Variants in PLCH1 observed in about 807,000 individuals in gnomAD.
PLCH1 encodes 1-phosphatidylinositol 4,5-bisphosphate phosphodiesterase eta-1.
Under a neutral mutation model 126.7 loss-of-function variants are expected in PLCH1, and 60 were observed. The ratio of observed to expected loss-of-function variants is 0.47; its 90% CI spans 0.38 to 0.59. The LOEUF (loss-of-function observed/expected upper bound fraction) is 0.59, where lower values mean the gene tolerates loss of function less well. Ranked by LOEUF, PLCH1 falls within the 20% of genes least tolerant of loss-of-function variation. The pLI, the probability that PLCH1 is intolerant of heterozygous loss-of-function variation, is 0.00. For synonymous variants in PLCH1, 719 were observed against 734.9 expected, an observed-to-expected ratio of 0.98 and a Z score of 0.35; for missense variants, 1,723 against 2,040.0, an observed-to-expected ratio of 0.84 and a Z score of 2.99.
chr3:155,702,117 G>A (rs778773078), intron 2 of PLCH1, among the ~76,000 whole-genome samples: 2 of 152,080 alleles, frequency 1.3e-5, no homozygotes, highest in African/African-American at 2.4e-5. Flanking sequence ...TAGTGAAAAG[G>A]GAGCTCAGAC....
At chr3:155,684,293 AGAT>A (rs779787060) in intron 2 of PLCH1, among the ~76,000 whole-genome samples, 4 of 152,198 alleles carry the variant, frequency 2.6e-5, no homozygotes, top group Non-Finnish European at 5.9e-5. Context: ...AGAGAGGAGA[AGAT>A]GATTCTAGAT....
chr3:155,462,899 C>T (rs1024745543), intron 21 of PLCH1, among the ~76,000 whole-genome samples: 34 of 152,176 alleles, frequency 2.2e-4, no homozygotes, highest in Admixed American at 2.2e-3. Flanking sequence ...TGTAACACAA[C>T]CTGGAAATAC....
At chr3:155,667,962 G>A (rs1742955858) in intron 2 of PLCH1, among the ~76,000 whole-genome samples, 1 of 148,330 alleles carries the variant, frequency 6.7e-6, no homozygotes, top group East Asian at 2.0e-4. Flanking sequence ...GCGTGTGCCT[G>A]TAATCCCAGC....
At chr3:155,539,696 A>G (rs1723951038) in intron 10 of PLCH1, among the ~76,000 whole-genome samples, 1 of 152,170 alleles carries the variant, frequency 6.6e-6, no homozygotes, top group Non-Finnish European at 1.5e-5. Flanking sequence ...GGTGAAAGAT[A>G]TCTACAAGGA....
intron 2 of PLCH1, among the ~76,000 whole-genome samples, chr3:155,609,125 A>C (rs1193779195): frequency 6.6e-6 from 1 of 152,214 alleles, no homozygotes; most frequent in African/African-American, 2.4e-5. Flanking sequence ...ACAAGCAACA[A>C]ATCTCACAGA....
At chr3:155,469,625 G>A (rs1713090656) in intron 21 of PLCH1, among the ~76,000 whole-genome samples, 2 of 152,188 alleles carry the variant, frequency 1.3e-5, no homozygotes, top group Non-Finnish European at 2.9e-5. Context: ...TGGGGGCAGG[G>A]CACAGACAAA....
chr3:155,462,684 C>T (rs1712773653), intron 21 of PLCH1, among the ~76,000 whole-genome samples: 1 of 152,178 alleles, frequency 6.6e-6, no homozygotes, highest in African/African-American at 2.4e-5. Flanking sequence ...TCCCTACCCA[C>T]CCCATCCCAC....
At position 155,592,775 on chromosome 3, in the gene PLCH1, T is replaced by C. The variant is rs1732377782; in HGVS notation, c.470+1166A>G. 2.6e-5 allele frequency among the ~76,000 whole-genome samples: 4 copies of C among 152,220 alleles called. No individual in the cohort carries two copies. The South Asian group carries it at 8.3e-4, about 31-fold the overall frequency. Reference sequence around the variant, plus strand: ...CTGTTAGTACGGTTTCTGATACTTGTACCAGAAAACATTCAGTATTTTTGG... The same window carrying C: ...CTGTTAGTACGGTTTCTGATACTTGCACCAGAAAACATTCAGTATTTTTGG... On this transcript the variant is annotated intron_variant, in intron 4 of 22. Coordinates refer to ENST00000460012, the MANE Select transcript of PLCH1 (RefSeq NM_014996.4).
chr3:155,485,992 C>T, intron 21 of PLCH1: 1 of 622,156 alleles, frequency 1.6e-6, no homozygotes, highest in Non-Finnish European at 2.8e-6. Flanking sequence ...GTCTCCACAG[C>T]TCATAGACTG....
chr3:155,564,639 T>G (rs1728076188), intron 8 of PLCH1, among the ~76,000 whole-genome samples: 1 of 152,160 alleles, frequency 6.6e-6, no homozygotes, highest in Non-Finnish European at 1.5e-5. Flanking sequence ...ATTGTATAAT[T>G]AAAAATATCT....
At chr3:155,649,110 G>T (rs191006990) in intron 2 of PLCH1, among the ~76,000 whole-genome samples, 1 of 152,136 alleles carries the variant, frequency 6.6e-6, no homozygotes, top group African/African-American at 2.4e-5. Flanking sequence ...AGGGCAAGAG[G>T]GGGGCTCAGA....
chr3:155,636,370 A>T (rs777095375), intron 2 of PLCH1, among the ~76,000 whole-genome samples: 1 of 152,170 alleles, frequency 6.6e-6, no homozygotes, highest in East Asian at 1.9e-4. Context: ...AATATAGCAA[A>T]TTTAAATCAA....
At position 155,483,038 on chromosome 3, in the gene PLCH1, A is replaced by G. The variant is rs764352007; in HGVS notation, c.2988T>C (p.Asp996=). The part of the protein sequence containing the change: ...GKENSLAEDK[D]GRRKGKASIK... ...TACTTGCTTTCCCTTTTCTTCTGCC[A>G]TCTTTATCTTCTGCTGAAGGAGACA... Residue 996 remains aspartate (D), a synonymous_variant, in exon 23 of 23, where the codon GAT becomes GAC. Transcript: ENST00000460012. 6.2e-7 allele frequency: 1 copy of G among 1,613,104 alleles called. No individual in the cohort carries two copies. The highest frequency in any genetic ancestry group is 8.5e-7 in the Non-Finnish European group (1 of 1,179,578).
At chr3:155,504,306 A>G (rs1196058761) in intron 13 of PLCH1, among the ~76,000 whole-genome samples, 1 of 152,092 alleles carries the variant, frequency 6.6e-6, no homozygotes, top group Non-Finnish European at 1.5e-5. Flanking sequence ...TGTTAAATAC[A>G]GTTTTTTGGA....
At chr3:155,542,842 G>A (rs669761) in intron 10 of PLCH1, among the ~76,000 whole-genome samples, 123,409 of 151,894 alleles carry the variant, frequency 0.81, 51,935 homozygotes, top group Middle Eastern at 0.95. Context: ...CTGTTAGAAG[G>A]AAAACTAACA....
chr3:155,684,499 C>T (rs541815468), intron 2 of PLCH1, among the ~76,000 whole-genome samples: 103 of 152,072 alleles, frequency 6.8e-4, no homozygotes, highest in African/African-American at 2.1e-3. Flanking sequence ...TCCAAGGGAG[C>T]GGGATGGCCA....
rs1038186447 is a variant in PLCH1, at chr3:155,621,638, G to A, written c.80-25260C>T. Among the ~76,000 whole-genome samples the A allele has an allele frequency of 3.9e-5, 6 of 152,126 alleles. No homozygotes were observed. In the East Asian group the frequency reaches 5.8e-4, roughly 15 times the overall value. ...ATACACAAGTATCAATAGCCGAATC[G>A]ATAAAGCAGAAGAAAGGATATCAGA... On this transcript the variant is annotated intron_variant, in intron 2 of 22. Coordinates refer to ENST00000460012, the MANE Select transcript of PLCH1 (RefSeq NM_014996.4).
At chr3:155,719,690 A>G (rs1747798680) in intron 1 of PLCH1, among the ~76,000 whole-genome samples, 1 of 143,794 alleles carries the variant, frequency 7.0e-6, no homozygotes, top group Non-Finnish European at 1.5e-5. Context: ...TTGTTTTAGT[A>G]AAAAAAAAAA....
At chr3:155,521,140 C>A (rs540032630) in intron 11 of PLCH1, among the ~76,000 whole-genome samples, 88 of 152,286 alleles carry the variant, frequency 5.8e-4, no homozygotes, top group African/African-American at 2.0e-3. Flanking sequence ...TCTAAAATTT[C>A]AATAGATCCC....
Sources: gnomAD v4.1 joint callset for allele counts (sites outside exome capture counted in the v4.1 genomes callset) on GRCh38, gnomAD v4.1.1 for gene constraint, MANE v1.5 for transcripts, NCBI Gene and HGNC (gene_info 2026-07-23, HGNC 2026-07-21) for gene names.